The following KIF13B variants were observed in gnomAD, a reference collection of about 807,000 sequenced individuals.
The protein encoded by KIF13B is kinesin family member 13B, also known as kinesin-like protein KIF13B.
A neutral mutation model predicts 222.0 loss-of-function variants in KIF13B; 127 were observed. The ratio of observed to expected loss-of-function variants is 0.57; its 90% CI spans 0.50 to 0.66. The LOEUF (loss-of-function observed/expected upper bound fraction) is 0.66. Ranked by LOEUF, KIF13B falls within the 30% of genes least tolerant of loss-of-function variation. The probability of loss-of-function intolerance (pLI) is 0.00; values close to 1 mark genes in which losing one functional copy is unlikely to be tolerated. For missense variants in KIF13B, 2,173 were observed against 2,379.0 expected (o/e 0.91, Z 1.80); for synonymous variants, 976 against 919.0 (o/e 1.06, Z -1.12).
At chr8:29,221,117 T>C (rs995247865) in intron 2 of KIF13B, among the ~76,000 whole-genome samples, 1 of 95,750 alleles carries the variant, frequency 1.0e-5, no homozygotes, top group Non-Finnish European at 2.4e-5. Flanking sequence ...TTTTTTTTTT[T>C]TTTGAGATGG....
intron 6 of KIF13B, among the ~76,000 whole-genome samples, chr8:29,184,702 A>G (rs1030242840): frequency 1.3e-5 from 2 of 152,222 alleles, no homozygotes; most frequent in Admixed American, 6.5e-5. Flanking sequence ...ACATGTGCAG[A>G]TAAGTTAAAA....
intron 10 of KIF13B, among the ~76,000 whole-genome samples, chr8:29,173,719 G>A (rs977636920): frequency 3.3e-5 from 5 of 151,658 alleles, no homozygotes; most frequent in Admixed American, 3.3e-4. Context: ...TGAGGCGGGT[G>A]GATCACTTGA....
intron 12 of KIF13B, among the ~76,000 whole-genome samples, chr8:29,164,239 A>T (rs1194245637): frequency 6.6e-6 from 1 of 152,238 alleles, no homozygotes; most frequent in African/African-American, 2.4e-5. Context: ...ATCCTACAAC[A>T]TCTGATACAC....
At chr8:29,103,816 C>T (rs1258201797) in intron 35 of KIF13B, among the ~76,000 whole-genome samples, 2 of 152,106 alleles carry the variant, frequency 1.3e-5, no homozygotes, top group African/African-American at 2.4e-5. Context: ...CTAAGTTACT[C>T]GGGGACCCCA....
Position 29,071,899 on chromosome 8 carries a change from G to C in KIF13B, c.4939C>G (p.Arg1647Gly), listed in dbSNP as rs754617977. Residue 1647 changes from arginine (R) to glycine (G), a missense_variant, in exon 39 of 40, where the codon CGC becomes GGC. This residue lies in a region of KIF13B where 693 missense variants were observed against 656.2 expected (regional missense o/e 1.06). Coordinates refer to ENST00000524189, the MANE Select transcript of KIF13B (RefSeq NM_015254.4). This position sits in a 1 kb window ranked among gnomAD's most constrained non-coding sequence, Gnocchi z 4.9. ...LEAPAPGSPF[R>G]VRRVRASELR... The stretch of plus-strand genomic sequence containing the variant: ...TCCGAGGCCCGCACCCTCCGGACGC[G>C]GAACGGGGAGCCGGGCGCCGGGGCC... The C allele has an allele frequency of 4.1e-6, 6 of 1,468,794 alleles. No individual in the cohort carries two copies. The highest frequency in any genetic ancestry group is 5.3e-6 in the Non-Finnish European group (6 of 1,122,864). The allele number at this position is 1,468,794 out of a possible 1,614,324, so 91.0% of individuals were successfully genotyped here.
intron 21 of KIF13B, among the ~76,000 whole-genome samples, chr8:29,139,786 T>TG (rs35574103): frequency 0.19 from 29,027 of 152,040 alleles, 2,992 homozygotes; most frequent in Admixed American, 0.29. Context: ...TTATAAGAAC[T>TG]GTTCCTGCAG....
chr8:29,231,192 C>T (rs1041631583), intron 2 of KIF13B, among the ~76,000 whole-genome samples: 2 of 152,182 alleles, frequency 1.3e-5, no homozygotes, highest in Non-Finnish European at 2.9e-5. Context: ...GTGACTTACT[C>T]TTAACCAGTC....
At chr8:29,218,626 G>C (rs1394126971) in intron 2 of KIF13B, among the ~76,000 whole-genome samples, 1 of 152,086 alleles carries the variant, frequency 6.6e-6, no homozygotes, top group African/African-American at 2.4e-5. Flanking sequence ...CTAAGAATTT[G>C]CAAACAAAAA....
rs1323660706 is a variant in KIF13B, at chr8:29,253,846, A to AG, written c.56-8408_56-8407insC. ...ACTGTCTCAAAAAAAAAAAAAAAAA[A>AG]AAAAAAAAACCCGCTTAAGGCAGAA... On this transcript the variant is annotated intron_variant, in intron 1 of 39. Transcript: ENST00000524189. Among the ~76,000 whole-genome samples, 3 of 150,922 alleles carry AG rather than the reference A, an allele frequency of 2.0e-5. No homozygotes were observed. In the East Asian group the frequency reaches 5.8e-4, roughly 29 times the overall value.
intron 2 of KIF13B, among the ~76,000 whole-genome samples, chr8:29,237,979 G>A (rs1815587656): frequency 6.6e-6 from 1 of 152,168 alleles, no homozygotes; most frequent in African/African-American, 2.4e-5. Flanking sequence ...GGCTCCCTGA[G>A]GAAGAGCCCC....
At chr8:29,247,054 GACA>G (rs928841289) in intron 1 of KIF13B, among the ~76,000 whole-genome samples, 5 of 152,092 alleles carry the variant, frequency 3.3e-5, no homozygotes, top group South Asian at 2.1e-4. Flanking sequence ...CCAAAACACA[GACA>G]ACAACAACAA....
intron 12 of KIF13B, among the ~76,000 whole-genome samples, chr8:29,162,530 T>C (rs879891741): frequency 2.6e-5 from 4 of 152,220 alleles, no homozygotes; most frequent in African/African-American, 4.8e-5. Flanking sequence ...TGAAAAAGAC[T>C]CATGTCCATA....
intron 2 of KIF13B, among the ~76,000 whole-genome samples, chr8:29,214,202 C>T (rs1189281526): frequency 6.6e-6 from 1 of 152,152 alleles, no homozygotes; most frequent in Admixed American, 6.5e-5. Flanking sequence ...AAAAATGTTT[C>T]CTTCTTCAGT....
intron 10 of KIF13B, among the ~76,000 whole-genome samples, chr8:29,171,759 C>CTTT (rs869072795): frequency 5.6e-4 from 72 of 128,424 alleles, no homozygotes; most frequent in African/African-American, 2.0e-3. Context: ...TTTTTTTCTT[C>CTTT]TTTTTTTTTT....
Position 29,132,408 on chromosome 8 carries a change from C to T in KIF13B, c.2842G>A (p.Ala948Thr), listed in dbSNP as rs145324154. 1.3e-4 allele frequency: 204 copies of T among 1,590,220 alleles called. No individual in the cohort carries two copies. Among genetic ancestry groups the T allele is most frequent in the Non-Finnish European group, 1.6e-4 (192 of 1,167,370 alleles). The change falls in exon 23 of 40, where the codon GCA (alanine) becomes ACA (threonine). Residue 948 changes from alanine to threonine, a missense_variant. By Grantham distance (58) the Ala-to-Thr change is moderately conservative (BLOSUM62 0). This residue lies in a region of KIF13B where 1,480 missense variants were observed against 1,722.8 expected (regional missense o/e 0.86). Transcript: ENST00000524189. ...ATTTTATGTCCATATACTTCAATTGCCAATGCTCCTTCGGAAAGATGCTCG... is the reference window on the plus strand; with the variant it reads ...ATTTTATGTCCATATACTTCAATTGTCAATGCTCCTTCGGAAAGATGCTCG... ...FIEHLSEGAL[A>T]IEVYGHKIND...
chr8:29,232,490 C>CA (rs1348921441), intron 2 of KIF13B, among the ~76,000 whole-genome samples: 1 of 150,356 alleles, frequency 6.7e-6, no homozygotes, highest in Non-Finnish European at 1.5e-5. Flanking sequence ...CATAAAAACT[C>CA]AGAGATCCCG....
In KIF13B at chr8:29,079,949, G is replaced by A. The variant is rs948313230; in HGVS notation, c.4459-4606C>T. Among the ~76,000 whole-genome samples, 8 of 152,246 alleles carry A rather than the reference G, an allele frequency of 5.3e-5. No homozygotes were observed. The East Asian group carries it at 5.8e-4, about 11-fold the overall frequency. On this transcript the variant is annotated intron_variant, in intron 37 of 39. Coordinates refer to ENST00000524189, the MANE Select transcript of KIF13B (RefSeq NM_015254.4). The stretch of plus-strand genomic sequence containing the variant: ...TCTTTCATTTTCCTGCTGCTGAAGC[G>A]TGAAAAACCTGAGAAACAAAAGGAA...
At position 29,186,280 on chromosome 8, in the gene KIF13B, A is replaced by G. The variant is rs753710509; in HGVS notation, c.497+12T>C. 6.3e-7 allele frequency: 1 copy of G among 1,595,868 alleles called. No individual in the cohort carries two copies. Among genetic ancestry groups the G allele is most frequent in the South Asian group, 1.1e-5 (1 of 88,038 alleles). On this transcript the variant is annotated intron_variant, in intron 6 of 39. Transcript: ENST00000524189. ...CACAATGCTGAAACACTAAAGTCTC[A>G]AAGTCCTTTACCCTTTGGGATCAAG...
chr8:29,118,761 T>G (rs936183848), intron 30 of KIF13B, 107 bp downstream of exon 30: 18 of 1,151,094 alleles, frequency 1.6e-5, no homozygotes, highest in Non-Finnish European at 2.1e-5. Flanking sequence ...TTATGTATTT[T>G]GAGAAATGTA....
Sources: gnomAD v4.1 joint callset for allele counts (sites outside exome capture counted in the v4.1 genomes callset) on GRCh38, gnomAD v4.1.1 for gene constraint, gnomAD v4.1.1 regional missense constraint, Gnocchi (gnomAD v3.1) non-coding constraint, MANE v1.5 for transcripts, NCBI Gene and HGNC (gene_info 2026-07-23, HGNC 2026-07-21) for gene names.